The following IRF6 variants were observed in gnomAD, a reference collection of about 807,000 sequenced individuals.
IRF6 encodes Van der Woude syndrome.
Under a neutral mutation model 51.4 loss-of-function variants are expected in IRF6, and 6 were observed. That is an observed-to-expected ratio of 0.12 (90% CI 0.06 to 0.23). The LOEUF (loss-of-function observed/expected upper bound fraction) is 0.23. IRF6 is among the 10% of genes least tolerant of loss of function. The pLI is 1.00. For missense variants in IRF6, 348 were observed against 585.2 expected (o/e 0.59, Z 4.18); for synonymous variants, 178 against 215.7 (o/e 0.83, Z 1.53).
At chr1:209,793,556 C>T (rs565914034) in intron 5 of IRF6, among the ~76,000 whole-genome samples, 2 of 149,784 alleles carry the variant, frequency 1.3e-5, no homozygotes, top group South Asian at 4.3e-4. Context: ...TAACGTGTGG[C>T]AATTTTTTGT....
At position 209,785,741 on chromosome 1, in the gene IRF6, C is replaced by A. The variant is rs2077829274; in HGVS notation, c.*2679G>T. The A allele has an allele frequency of 6.6e-6, 1 of 152,166 alleles. No homozygotes were observed. Among genetic ancestry groups the A allele is most frequent in the Non-Finnish European group, 1.5e-5 (1 of 68,032 alleles). The allele number at this position is 152,166 out of a possible 1,614,324, so 9.4% of individuals were successfully genotyped here. A position where few individuals can be genotyped will look rare whatever the true frequency, so the allele number is the denominator to read the frequency against. ...ACAAATATTTGAGAACACACTGTGT[C>A]CCAGACACTGTTCTAAGGACTGGCA... On this transcript the variant is annotated 3_prime_UTR_variant, in exon 9 of 9. Transcript: ENST00000367021.
At chr1:209,805,159 C>T (rs1419084870) in intron 1 of IRF6, among the ~76,000 whole-genome samples, 2 of 152,142 alleles carry the variant, frequency 1.3e-5, no homozygotes, top group Non-Finnish European at 2.9e-5. Context: ...CCCACCCAAG[C>T]GCCTTCCTCT....
chr1:209,792,433 A>G lies in IRF6; in HGVS notation c.509-6T>C. ...GGCTGGCGCCATGGGAGAACCTAAA[A>G]CAAAAGCATATGGTGAGCAGACAGG... is the stretch of plus-strand genomic sequence containing the variant. On this transcript the variant is annotated splice_polypyrimidine_tract_variant and splice_region_variant and intron_variant, in intron 5 of 8. Transcript: ENST00000367021. 2 of 1,613,688 alleles carry G rather than the reference A, an allele frequency of 1.2e-6. No homozygotes were observed. The highest frequency in any genetic ancestry group is 1.7e-6 in the Non-Finnish European group (2 of 1,179,986).
At chr1:209,792,916 T>G (rs1454092522) in intron 5 of IRF6, among the ~76,000 whole-genome samples, 3 of 152,180 alleles carry the variant, frequency 2.0e-5, no homozygotes, top group African/African-American at 7.2e-5. Flanking sequence ...AGGATCTGAC[T>G]CCTCCAGGGA....
Position 209,787,896 on chromosome 1 carries a change from G to C in IRF6, c.*524C>G. On this transcript the variant is annotated 3_prime_UTR_variant, in exon 9 of 9. Coordinates refer to ENST00000367021, the MANE Select transcript of IRF6 (RefSeq NM_006147.4). ...CTATACTAGCAGAACAGGTCAAACA[G>C]AGCTCGATCCTGGACAAATCAGTGC... is the stretch of plus-strand genomic sequence containing the variant. The C allele has an allele frequency of 6.1e-6, 1 of 163,620 alleles. No homozygotes were observed. The highest frequency in any genetic ancestry group is 1.3e-5 in the Non-Finnish European group (1 of 74,422). The allele number at this position is 163,620 out of a possible 1,614,324, so 10.1% of individuals were successfully genotyped here. A position where few individuals can be genotyped will look rare whatever the true frequency, so the allele number is the denominator to read the frequency against.
rs748299767 is a variant in IRF6, at chr1:209,792,335, C to T, written c.601G>A (p.Glu201Lys). 3 of 1,614,106 alleles carry T rather than the reference C, an allele frequency of 1.9e-6. No homozygotes were observed. The highest frequency in any genetic ancestry group is 2.5e-6 in the Non-Finnish European group (3 of 1,179,920). The change falls in exon 6 of 9, where the codon GAA becomes AAA. Residue 201 changes from glutamate to lysine, a missense_variant. Transcript: ENST00000367021. ...VWPKTEPLEMEVPQAPIQPFY... is the reference protein window; with the variant it reads ...VWPKTEPLEMKVPQAPIQPFY... Reference sequence around the variant, plus strand: ...GGCTGTATAGGTGCCTGGGGTACTTCCATCTCCAGGGGTTCAGTTTTGGGC... The same window carrying T: ...GGCTGTATAGGTGCCTGGGGTACTTTCATCTCCAGGGGTTCAGTTTTGGGC...
intron 1 of IRF6, among the ~76,000 whole-genome samples, chr1:209,805,099 C>T (rs985415810): frequency 7.9e-5 from 12 of 152,118 alleles, no homozygotes; most frequent in African/African-American, 2.9e-4. Context: ...ACATCATACA[C>T]ACGTCTCATC....
chr1:209,791,167 G>C lies in IRF6; in HGVS notation c.668-280C>G, dbSNP rs1028683147. On this transcript the variant is annotated intron_variant, in intron 6 of 8. Coordinates refer to ENST00000367021, the MANE Select transcript of IRF6 (RefSeq NM_006147.4). ...CAATTGCATCAAGTAAAGTGGTCCT[G>C]GTGTCCCCACGCTATACTGACTGAG... The C allele has an allele frequency of 3.6e-4, 177 of 495,764 alleles. 1 individual carries two copies. Among genetic ancestry groups the C allele is most frequent in the Non-Finnish European group, 4.6e-4 (175 of 383,070 alleles). 30.7% of individuals were successfully genotyped at this position (495,764 alleles called of 1,614,324 possible).
intron 1 of IRF6, among the ~76,000 whole-genome samples, chr1:209,803,979 T>C (rs1346879901): frequency 6.6e-6 from 1 of 152,008 alleles, no homozygotes; most frequent in Non-Finnish European, 1.5e-5. Flanking sequence ...AAAAAGGAAA[T>C]AAATACAACA....
intron 3 of IRF6, among the ~76,000 whole-genome samples, chr1:209,799,141 G>A (rs2077924055): frequency 6.6e-6 from 1 of 152,048 alleles, no homozygotes; most frequent in Admixed American, 6.5e-5. Flanking sequence ...GATTCTCACA[G>A]GCAAGACTAA....
Position 209,790,570 on chromosome 1 carries a change from G to A in IRF6, c.985C>T (p.Pro329Ser). The change falls in exon 7 of 9, where the codon CCA becomes TCA. Residue 329 changes from proline (P) to serine (S), a missense_variant. Coordinates refer to ENST00000367021, the MANE Select transcript of IRF6 (RefSeq NM_006147.4). The surrounding 1 kb of genome is among the most constrained non-coding windows in gnomAD (Gnocchi z 4.8). ...ATCAGGTTGGGAGCAACAAGTGATG[G>A]GGCACATGGCCCAGACCAGTACACC... ...CKVYWSGPCA[P>S]SLVAPNLIER... 6.2e-7 allele frequency: 1 copy of A among 1,614,210 alleles called. No individual in the cohort carries two copies. The highest frequency in any genetic ancestry group is 8.5e-7 in the Non-Finnish European group (1 of 1,180,036).
chr1:209,796,294 G>A lies in IRF6; in HGVS notation c.379+54C>T. On this transcript the variant is annotated intron_variant, in intron 4 of 8. Coordinates refer to ENST00000367021, the MANE Select transcript of IRF6 (RefSeq NM_006147.4). This position sits in a 1 kb window ranked among gnomAD's most constrained non-coding sequence, Gnocchi z 4.5. ...TTCAAGTTGACTATCTCTTAAGAGTGCAGCCCAGAATCTGGCATGCTGCCC... is the reference window on the plus strand; with the variant it reads ...TTCAAGTTGACTATCTCTTAAGAGTACAGCCCAGAATCTGGCATGCTGCCC... The A allele has an allele frequency of 6.9e-7, 1 of 1,446,546 alleles. No individual in the cohort carries two copies. 89.6% of individuals were successfully genotyped at this position (1,446,546 alleles called of 1,614,324 possible). A position where few individuals can be genotyped will look rare whatever the true frequency, so the allele number is the denominator to read the frequency against.
intron 3 of IRF6, among the ~76,000 whole-genome samples, chr1:209,799,530 A>G (rs1045539806): frequency 8.5e-5 from 13 of 152,236 alleles, no homozygotes; most frequent in Non-Finnish European, 1.9e-4. Context: ...TATCTGTGAA[A>G]GCACCCTCCC....
In IRF6 at chr1:209,790,613, G is replaced by A. The variant is rs1275065450; in HGVS notation, c.942C>T (p.Ile314=). ...AGTACACCTTGCACTGGCACAGCCT[G>A]ATGGCATAAATGGCATGACCGCTGA... ...LEVSGHAIYA[I]RLCQCKVYWS... The change falls in exon 7 of 9, where the codon ATC becomes ATT. Residue 314 remains isoleucine, a synonymous_variant. Transcript: ENST00000367021. This position sits in a 1 kb window ranked among gnomAD's most constrained non-coding sequence, Gnocchi z 4.8. 1 of 1,614,144 alleles carries A rather than the reference G, an allele frequency of 6.2e-7. No homozygotes were observed. The highest frequency in any genetic ancestry group is 8.5e-7 in the Non-Finnish European group (1 of 1,180,054).
Position 209,796,334 on chromosome 1 carries a change from A to C in IRF6, c.379+14T>G, listed in dbSNP as rs1220430758. ...GCATGCTGCCCACCTTCTCCCCAGC[A>C]CCTGGGGCCTCACCTGGGTTAATGA... On this transcript the variant is annotated intron_variant, in intron 4 of 8. Coordinates refer to ENST00000367021, the MANE Select transcript of IRF6 (RefSeq NM_006147.4). The surrounding 1 kb of genome is among the most constrained non-coding windows in gnomAD (Gnocchi z 4.5). 1 of 1,611,560 alleles carries C rather than the reference A, an allele frequency of 6.2e-7. No individual in the cohort carries two copies. The highest frequency in any genetic ancestry group is 2.2e-5 in the East Asian group (1 of 44,874).
At chr1:209,804,471 C>G (rs2077962056) in intron 1 of IRF6, among the ~76,000 whole-genome samples, 1 of 152,200 alleles carries the variant, frequency 6.6e-6, no homozygotes, top group Non-Finnish European at 1.5e-5. Flanking sequence ...ATAACATCCA[C>G]TCTCAAACAC....
intron 3 of IRF6, among the ~76,000 whole-genome samples, chr1:209,797,494 C>A (rs969001185): frequency 6.6e-6 from 1 of 151,906 alleles, no homozygotes; most frequent in Non-Finnish European, 1.5e-5. Context: ...AAAATCCACA[C>A]CCCTTACCTT....
Position 209,796,336 on chromosome 1 carries a change from C to A in IRF6, c.379+12G>T, listed in dbSNP as rs2077901017. On this transcript the variant is annotated intron_variant, in intron 4 of 8. Transcript: ENST00000367021. This position sits in a 1 kb window ranked among gnomAD's most constrained non-coding sequence, Gnocchi z 4.5. Reference sequence around the variant, plus strand: ...ATGCTGCCCACCTTCTCCCCAGCACCTGGGGCCTCACCTGGGTTAATGATC... The same window carrying A: ...ATGCTGCCCACCTTCTCCCCAGCACATGGGGCCTCACCTGGGTTAATGATC... 1 of 1,612,956 alleles carries A rather than the reference C, an allele frequency of 6.2e-7. No homozygotes were observed. The highest frequency in any genetic ancestry group is 1.3e-5 in the African/African-American group (1 of 74,924).
Position 209,792,360 on chromosome 1 carries a change from C to A in IRF6, c.576G>T (p.Trp192Cys). ...CCATCTCCAGGGGTTCAGTTTTGGG[C>A]CACACTGCCTCCGGGCTGCAGTTGC... is the stretch of plus-strand genomic sequence containing the variant. ...SVGNCSPEAV[W>C]PKTEPLEMEV... Residue 192 changes from tryptophan (W) to cysteine (C), a missense_variant, in exon 6 of 9, where the codon TGG (tryptophan) becomes TGT (cysteine). Trp to Cys is a radical substitution (Grantham distance 215). Around this residue, in one of 5 missense-constraint regions of IRF6, gnomAD observed 124 missense variants for 141.6 expected, o/e 0.88. Coordinates refer to ENST00000367021, the MANE Select transcript of IRF6 (RefSeq NM_006147.4). The A allele has an allele frequency of 6.2e-7, 1 of 1,614,216 alleles. No homozygotes were observed. Among genetic ancestry groups the A allele is most frequent in the Non-Finnish European group, 8.5e-7 (1 of 1,180,038 alleles).
Sources: allele counts gnomAD v4.1 joint callset (sites outside exome capture counted in the v4.1 genomes callset), GRCh38; gene constraint gnomAD v4.1.1; regional missense constraint gnomAD v4.1.1; non-coding constraint Gnocchi (gnomAD v3.1); transcripts MANE v1.5; gene names NCBI Gene and HGNC (gene_info 2026-07-23, HGNC 2026-07-21).